The following OR7E24 variants were observed in gnomAD, a reference collection of about 807,000 sequenced individuals.
OR7E24 encodes the protein olfactory receptor family 7 subfamily E member 24.
For synonymous variants in OR7E24, 130 were observed against 157.5 expected (o/e 0.83, Z 1.31); for missense variants, 385 against 410.3 (o/e 0.94, Z 0.53).
At chr19:9,245,445 G>A (rs989558808), upstream of OR7E24, among the ~76,000 whole-genome samples, 3 of 152,086 alleles carry the variant, frequency 2.0e-5, no homozygotes, top group African/African-American at 2.4e-5. Context: ...TGCTTACACA[G>A]GGCTATGGAA....
At chr19:9,225,787 G>A in the OR7E24 span, among the ~76,000 whole-genome samples, 1 of 152,220 alleles carries the variant, frequency 6.6e-6, no homozygotes, top group Non-Finnish European at 1.5e-5. Context: ...ATTTCAGAAT[G>A]AAGGTCCTGT....
the OR7E24 span, among the ~76,000 whole-genome samples, chr19:9,221,368 T>G: frequency 1.2e-5 from 1 of 80,586 alleles, no homozygotes; most frequent in African/African-American, 6.9e-5. Context: ...TTTTTTTTTT[T>G]GAGACGGAGT....
chr19:9,221,483 T>C, the OR7E24 span, among the ~76,000 whole-genome samples: 1 of 148,190 alleles, frequency 6.7e-6, no homozygotes, highest in Non-Finnish European at 1.5e-5. Context: ...CCCGAGTAGC[T>C]GGGATTACAG....
the OR7E24 span, among the ~76,000 whole-genome samples, chr19:9,229,051 T>C: frequency 6.6e-6 from 1 of 152,170 alleles, no homozygotes; most frequent in African/African-American, 2.4e-5. Context: ...ATTAAATGTC[T>C]ACAGCTTTTA....
the OR7E24 span, chr19:9,206,562 A>T: frequency 6.6e-6 from 1 of 152,206 alleles, no homozygotes; most frequent in African/African-American, 2.4e-5. Flanking sequence ...GCTTAAAGTC[A>T]ATAGCATCTT....
upstream of OR7E24, among the ~76,000 whole-genome samples, chr19:9,246,440 A>T (rs1361234372): frequency 1.3e-5 from 2 of 150,182 alleles, no homozygotes; most frequent in African/African-American, 2.5e-5. Flanking sequence ...TTTACGTGGG[A>T]TAAAGCTTAT....
chr19:9,231,388 T>G, the OR7E24 span, among the ~76,000 whole-genome samples: 3 of 151,900 alleles, frequency 2.0e-5, no homozygotes, highest in South Asian at 6.3e-4. Context: ...GAGACCATCC[T>G]GGCCGACATG....
chr19:9,214,997 T>C, the OR7E24 span: 1 of 591,536 alleles, frequency 1.7e-6, no homozygotes, highest in Admixed American at 3.0e-5. Context: ...GGAAGTGGTA[T>C]CTATTTTTAT....
chr19:9,220,912 A>G, the OR7E24 span, among the ~76,000 whole-genome samples: 1 of 152,144 alleles, frequency 6.6e-6, no homozygotes, highest in Non-Finnish European at 1.5e-5. Flanking sequence ...TTTGAGATGA[A>G]GTGAGGTGAT....
the OR7E24 span, among the ~76,000 whole-genome samples, chr19:9,231,829 T>C: frequency 6.6e-6 from 1 of 152,210 alleles, no homozygotes; most frequent in African/African-American, 2.4e-5. Context: ...CAGAAACGTA[T>C]TTTATTTAAC....
chr19:9,214,909 T>C, the OR7E24 span: 3 of 853,366 alleles, frequency 3.5e-6, no homozygotes, highest in Non-Finnish European at 5.6e-6. Flanking sequence ...GCTCAGCTTG[T>C]CATCACTTTA....
chr19:9,247,397 T>G, upstream of OR7E24: 1 of 398,494 alleles, frequency 2.5e-6, no homozygotes, highest in Non-Finnish European at 4.4e-6. Context: ...GAGGCTCATG[T>G]CTGACCCTGT....
the OR7E24 span, among the ~76,000 whole-genome samples, chr19:9,222,910 C>T: frequency 6.6e-6 from 1 of 152,146 alleles, no homozygotes; most frequent in African/African-American, 2.4e-5. Context: ...AATTGTTCCC[C>T]ATTGAGTGTG....
At chr19:9,230,341 A>G in the OR7E24 span, among the ~76,000 whole-genome samples, 1 of 152,210 alleles carries the variant, frequency 6.6e-6, no homozygotes, top group South Asian at 2.1e-4. Flanking sequence ...CACCGCGCCC[A>G]GCCTTGAAGT....
chr19:9,210,078 T>G, the OR7E24 span: 9 of 152,180 alleles, frequency 5.9e-5, no homozygotes, highest in Non-Finnish European at 1.0e-4. Context: ...CCAAACATTT[T>G]AAAAGCTCCC....
the OR7E24 span, among the ~76,000 whole-genome samples, chr19:9,231,570 ACT>A: frequency 1.4e-5 from 2 of 142,984 alleles, no homozygotes; most frequent in East Asian, 2.1e-4. Context: ...ATAGAGCAAG[ACT>A]CTGTCTCAAA....
At chr19:9,214,034 G>A in the OR7E24 span, 1 of 1,614,058 alleles carries the variant, frequency 6.2e-7, no homozygotes, top group Non-Finnish European at 8.5e-7. Context: ...AGCTGCTCTG[G>A]GAAGAATGGG....
chr19:9,230,451 G>C, the OR7E24 span, among the ~76,000 whole-genome samples: 5 of 152,144 alleles, frequency 3.3e-5, no homozygotes, highest in African/African-American at 7.2e-5. Flanking sequence ...GCCTCTTTCC[G>C]GGAACAGTTA....
chr19:9,248,680 T>G (rs1266882630), upstream of OR7E24, among the ~76,000 whole-genome samples: 1 of 152,212 alleles, frequency 6.6e-6, no homozygotes, highest in African/African-American at 2.4e-5. Flanking sequence ...GGCGCATCTC[T>G]CCCTTGCCCC....
Sources: gnomAD v4.1 joint callset for allele counts (sites outside exome capture counted in the v4.1 genomes callset) on GRCh38, gnomAD v4.1.1 for gene constraint, MANE v1.5 for transcripts, NCBI Gene and HGNC (gene_info 2026-07-23, HGNC 2026-07-21) for gene names.